The following PLD5 variants were observed in gnomAD, a reference collection of about 807,000 sequenced individuals.
PLD5 encodes the protein inactive phospholipase D5.
A neutral mutation model predicts 61.1 loss-of-function variants in PLD5; 36 were observed. The observed-to-expected ratio is 0.59, with a 90% CI of 0.45 to 0.78. The LOEUF is 0.78. Among genes scored for constraint, PLD5 ranks in the 30% least tolerant of loss-of-function variants. The pLI, the probability that PLD5 is intolerant of heterozygous loss-of-function variation, is 0.00. For synonymous variants in PLD5, 243 were observed against 242.8 expected (o/e 1.00, Z -0.01); for missense variants, 515 against 644.4 (o/e 0.80, Z 2.17).
chr1:242,093,024 C>T (rs2148650617), intron 9 of PLD5, among the ~76,000 whole-genome samples: 1 of 152,296 alleles, frequency 6.6e-6, no homozygotes, highest in Non-Finnish European at 1.5e-5. Context: ...CAATAAACAG[C>T]ACAACGGTAC....
chr1:242,499,125 T>G (rs74150735), intron 1 of PLD5, among the ~76,000 whole-genome samples: 2 of 152,214 alleles, frequency 1.3e-5, no homozygotes, highest in Non-Finnish European at 2.9e-5. Context: ...AGTATTATTT[T>G]TAAAATGATA....
At chr1:242,407,840 G>A (rs1349247236) in intron 1 of PLD5, among the ~76,000 whole-genome samples, 1 of 152,082 alleles carries the variant, frequency 6.6e-6, no homozygotes, top group Non-Finnish European at 1.5e-5. Context: ...GTCTCCCAAA[G>A]TGCTGGGATT....
chr1:242,453,375 C>T (rs543176588), intron 1 of PLD5, among the ~76,000 whole-genome samples: 33 of 152,322 alleles, frequency 2.2e-4, no homozygotes, highest in Admixed American at 4.6e-4. Context: ...TTTGTTATAG[C>T]AGCCTAAATA....
At chr1:242,393,236 GTGTATATATA>G in intron 1 of PLD5, among the ~76,000 whole-genome samples, 1 of 55,332 alleles carries the variant, frequency 1.8e-5, no homozygotes, top group South Asian at 7.3e-4. Context: ...GTATATATAT[GTGTATATATA>G]TGAGTATATA....
chr1:242,195,363 T>G (rs1438180649), intron 5 of PLD5, among the ~76,000 whole-genome samples: 4 of 152,202 alleles, frequency 2.6e-5, no homozygotes, highest in African/African-American at 9.7e-5. Context: ...ATGCATCTCT[T>G]TCCCTCAGAA....
In PLD5 at chr1:242,437,681, C is replaced by T. The variant is rs371672016; in HGVS notation, c.189+86407G>A. ...CAGCCTGGGCAACACAGCAAGTTTA[C>T]GTCTCAAAAAAAAAAAATTTAGTTT... On this transcript the variant is annotated intron_variant, in intron 1 of 9. Coordinates refer to ENST00000536534, the MANE Select transcript of PLD5 (RefSeq NM_001372062.1). Among the ~76,000 whole-genome samples the T allele has an allele frequency of 5.7e-3, 594 of 103,646 alleles. 2 individuals are homozygous for T. Among genetic ancestry groups the T allele is most frequent in the African/African-American group, 0.027 (539 of 19,822 alleles). The allele number at this position is 103,646 out of a possible 152,430, so 68.0% of individuals were successfully genotyped here.
chr1:242,253,694 G>A (rs563334381), intron 4 of PLD5, among the ~76,000 whole-genome samples: 1 of 152,258 alleles, frequency 6.6e-6, no homozygotes, highest in Non-Finnish European at 1.5e-5. Flanking sequence ...AGATGAAACA[G>A]ATAAAATTCT....
At chr1:242,460,841 TAA>T (rs35991588) in intron 1 of PLD5, among the ~76,000 whole-genome samples, 11 of 147,884 alleles carry the variant, frequency 7.4e-5, no homozygotes, top group African/African-American at 1.5e-4. Flanking sequence ...TAAGCTCCAT[TAA>T]AAAAAAAAAG....
At chr1:242,234,904 C>T (rs1253725240) in intron 4 of PLD5, among the ~76,000 whole-genome samples, 5 of 151,362 alleles carry the variant, frequency 3.3e-5, no homozygotes, top group African/African-American at 7.3e-5. Context: ...GACTTGAGGG[C>T]CCTGACATCC....
intron 1 of PLD5, among the ~76,000 whole-genome samples, chr1:242,514,150 T>A (rs1246041131): frequency 1.3e-5 from 2 of 152,240 alleles, no homozygotes; most frequent in Non-Finnish European, 2.9e-5. Flanking sequence ...AAGCCCAGTA[T>A]CTTCCAAGTC....
At chr1:242,225,245 T>C (rs1670857752) in intron 4 of PLD5, among the ~76,000 whole-genome samples, 1 of 151,940 alleles carries the variant, frequency 6.6e-6, no homozygotes, top group Admixed American at 6.6e-5. Flanking sequence ...GTGGTTTGTT[T>C]CCCTTTGCTG....
In PLD5 at chr1:242,394,801, TGTATATATGTGAATATATATAC is replaced by T. The variant is rs1558527207; in HGVS notation, c.190-46581_190-46560del. 1.2e-4 allele frequency among the ~76,000 whole-genome samples: 8 copies of T among 68,826 alleles called. 2 individuals carry two copies. The highest frequency in any genetic ancestry group is 1.6e-4 in the Non-Finnish European group (6 of 36,836). The allele number at this position is 68,826 out of a possible 152,430, so 45.2% of individuals were successfully genotyped here. A position where few individuals can be genotyped will look rare whatever the true frequency, so the allele number is the denominator to read the frequency against. On this transcript the variant is annotated intron_variant, in intron 1 of 9. Transcript: ENST00000536534. ...ATGTGTATATATGTGAATATATATG[TGTATATATGTGAATATATATAC>T]ATATATGTGAATATATATACATATG...
At position 242,183,565 on chromosome 1, in the gene PLD5, G is replaced by A. The variant is rs567303335; in HGVS notation, c.735+36423C>T. Among the ~76,000 whole-genome samples the A allele has an allele frequency of 3.9e-5, 6 of 152,262 alleles. No homozygotes were observed. In the South Asian group the frequency reaches 8.3e-4, roughly 21 times the overall value. Reference sequence around the variant, plus strand: ...ATTTTCTTGGATCACAGTACCCTTCGTGTCTCAATTATTGTTTCATGACAT... The same window carrying A: ...ATTTTCTTGGATCACAGTACCCTTCATGTCTCAATTATTGTTTCATGACAT... On this transcript the variant is annotated intron_variant, in intron 5 of 9. Transcript: ENST00000536534.
At chr1:242,324,459 C>T (rs76358018) in intron 2 of PLD5, among the ~76,000 whole-genome samples, 1 of 152,174 alleles carries the variant, frequency 6.6e-6, no homozygotes. Context: ...ATGACCTAAC[C>T]GACTCTATCT....
At chr1:242,114,667 TA>T (rs1237819735) in intron 6 of PLD5, among the ~76,000 whole-genome samples, 1 of 152,154 alleles carries the variant, frequency 6.6e-6, no homozygotes, top group African/African-American at 2.4e-5. Context: ...TAGATTCTCA[TA>T]GGGGCGTGAG....
At chr1:242,384,307 G>A (rs766019863) in intron 1 of PLD5, among the ~76,000 whole-genome samples, 7 of 152,216 alleles carry the variant, frequency 4.6e-5, no homozygotes, top group Non-Finnish European at 1.0e-4. Flanking sequence ...GTTTCCATGT[G>A]TTGCTGGCTA....
At chr1:242,151,721 C>G (rs932913705) in intron 5 of PLD5, among the ~76,000 whole-genome samples, 2 of 152,026 alleles carry the variant, frequency 1.3e-5, no homozygotes, top group African/African-American at 2.4e-5. Context: ...TTGGAACATT[C>G]TAGGCTATTC....
At chr1:242,093,324 C>T (rs1471675215) in intron 9 of PLD5, among the ~76,000 whole-genome samples, 1 of 152,192 alleles carries the variant, frequency 6.6e-6, no homozygotes, top group Non-Finnish European at 1.5e-5. Context: ...GCAGTATCTT[C>T]TATTCATTCC....
At chr1:242,431,491 C>G (rs1665717471) in intron 1 of PLD5, among the ~76,000 whole-genome samples, 1 of 152,212 alleles carries the variant, frequency 6.6e-6, no homozygotes, top group South Asian at 2.1e-4. Context: ...TCGCTTGCCT[C>G]TCAAACGATA....
Sources: gnomAD v4.1 joint callset for allele counts (sites outside exome capture counted in the v4.1 genomes callset) on GRCh38, gnomAD v4.1.1 for gene constraint, MANE v1.5 for transcripts, NCBI Gene and HGNC (gene_info 2026-07-23, HGNC 2026-07-21) for gene names.